FCHSD2: variants seen among roughly 807,000 people sequenced by gnomAD.
FCHSD2 encodes the protein F-BAR and double SH3 domains protein 2.
A neutral mutation model predicts 108.1 loss-of-function variants in FCHSD2; 38 were observed. That is an observed-to-expected ratio of 0.35 (90% CI 0.27 to 0.46). The LOEUF is 0.46. Ranked by LOEUF, FCHSD2 falls within the 20% of genes least tolerant of loss-of-function variation. FCHSD2 has a pLI of 1.00. For synonymous variants in FCHSD2, 279 were observed against 314.7 expected, an observed-to-expected ratio of 0.89 and a Z score of 1.20; for missense variants, 751 against 897.8, an observed-to-expected ratio of 0.84 and a Z score of 2.09.
chr11:72,908,296 G>A (rs546920649), intron 9 of FCHSD2, among the ~76,000 whole-genome samples: 1 of 152,226 alleles, frequency 6.6e-6, no homozygotes, highest in East Asian at 1.9e-4. Flanking sequence ...TGGACACTTA[G>A]GTTGCTTCTA....
intron 8 of FCHSD2, among the ~76,000 whole-genome samples, chr11:72,929,073 T>G (rs1384096947): frequency 6.6e-6 from 1 of 152,214 alleles, no homozygotes; most frequent in Non-Finnish European, 1.5e-5. Flanking sequence ...TATGGCTGGA[T>G]AGTATTCCAT....
At chr11:73,075,671 T>C (rs1859532836) in intron 3 of FCHSD2, among the ~76,000 whole-genome samples, 1 of 150,630 alleles carries the variant, frequency 6.6e-6, no homozygotes, top group African/African-American at 2.5e-5. Flanking sequence ...AAAAATTAGC[T>C]GGGAGTGGTG....
intron 5 of FCHSD2, among the ~76,000 whole-genome samples, chr11:72,999,127 T>C (rs1565361460): frequency 6.6e-6 from 1 of 152,162 alleles, no homozygotes; most frequent in Non-Finnish European, 1.5e-5. Context: ...TACAAGCAGA[T>C]ACATTCCCTT....
chr11:72,944,384 T>C (rs183703429), intron 8 of FCHSD2, among the ~76,000 whole-genome samples: 6,767 of 152,228 alleles, frequency 0.044, 218 homozygotes, highest in Non-Finnish European at 0.067. Flanking sequence ...AAATTAGGTA[T>C]TGATGGGACG....
intron 3 of FCHSD2, among the ~76,000 whole-genome samples, chr11:73,037,325 G>A (rs1466699839): frequency 6.6e-6 from 1 of 152,118 alleles, no homozygotes; most frequent in African/African-American, 2.4e-5. Context: ...AGGATTCTTA[G>A]TGCTGTACAG....
intron 2 of FCHSD2, among the ~76,000 whole-genome samples, chr11:73,122,579 T>C (rs547591820): frequency 1.5e-4 from 23 of 152,318 alleles, no homozygotes; most frequent in African/African-American, 5.3e-4. Flanking sequence ...TTTCCTTTGT[T>C]AAATCAAATA....
chr11:72,899,056 C>T (rs1445192863), intron 10 of FCHSD2, among the ~76,000 whole-genome samples: 1 of 152,134 alleles, frequency 6.6e-6, no homozygotes, highest in African/African-American at 2.4e-5. Flanking sequence ...GATTTCTTAA[C>T]TTTAGTTTCC....
intron 3 of FCHSD2, among the ~76,000 whole-genome samples, chr11:73,045,899 C>T (rs1317456444): frequency 3.3e-5 from 5 of 151,202 alleles, no homozygotes; most frequent in Non-Finnish European, 7.4e-5. Context: ...CACATGTACC[C>T]TAAAACTTAA....
At chr11:73,137,085 A>G (rs1861136176) in intron 2 of FCHSD2, among the ~76,000 whole-genome samples, 1 of 152,166 alleles carries the variant, frequency 6.6e-6, no homozygotes, top group Non-Finnish European at 1.5e-5. Context: ...TTAAAAAATC[A>G]TTCCACTTAC....
At chr11:72,843,811 C>G (rs1266687157) in intron 14 of FCHSD2, 2 of 334,270 alleles carry the variant, frequency 6.0e-6, no homozygotes, top group Non-Finnish European at 1.1e-5. Flanking sequence ...ACAGCGAGAC[C>G]CCCATCTCTA....
At chr11:72,839,044 GC>G (rs906457329) in intron 19 of FCHSD2, among the ~76,000 whole-genome samples, 170 bp from the exon 20 acceptor site, 2 of 152,310 alleles carry the variant, frequency 1.3e-5, no homozygotes, top group Admixed American at 1.3e-4. Context: ...ACACTGAGAA[GC>G]AGTTGTTCTC....
At chr11:73,109,639 T>C (rs982263181) in intron 2 of FCHSD2, among the ~76,000 whole-genome samples, 1 of 152,198 alleles carries the variant, frequency 6.6e-6, no homozygotes, top group Admixed American at 6.5e-5. Context: ...GATCAAATCA[T>C]CTGCAAACAA....
intron 3 of FCHSD2, among the ~76,000 whole-genome samples, chr11:73,035,988 G>A (rs751709315): frequency 1.3e-5 from 2 of 151,932 alleles, no homozygotes; most frequent in Non-Finnish European, 2.9e-5. Flanking sequence ...CAAAGTGCTG[G>A]GATTACAAGC....
intron 3 of FCHSD2, among the ~76,000 whole-genome samples, chr11:73,075,917 G>A (rs1237939162): frequency 6.6e-6 from 1 of 151,974 alleles, no homozygotes; most frequent in Non-Finnish European, 1.5e-5. Flanking sequence ...CCAGGAGTTC[G>A]AGACCAGCCT....
At chr11:73,030,536 G>A (rs969014304) in intron 3 of FCHSD2, among the ~76,000 whole-genome samples, 2 of 152,002 alleles carry the variant, frequency 1.3e-5, no homozygotes, top group African/African-American at 4.8e-5. Context: ...ATACTGTTAC[G>A]GCTTCCTGGG....
chr11:73,014,481 T>C (rs1857928045), intron 4 of FCHSD2, among the ~76,000 whole-genome samples: 1 of 152,194 alleles, frequency 6.6e-6, no homozygotes, highest in Non-Finnish European at 1.5e-5. Context: ...TACTGTTCTA[T>C]TATTTATTGC....
intron 3 of FCHSD2, among the ~76,000 whole-genome samples, chr11:73,047,277 G>C (rs1858791554): frequency 6.6e-6 from 1 of 151,604 alleles, no homozygotes; most frequent in Non-Finnish European, 1.5e-5. Context: ...TATGAAACAG[G>C]ATGTCAAAAT....
chr11:73,112,458 C>CT (rs1169420608), intron 2 of FCHSD2, among the ~76,000 whole-genome samples: 1 of 152,202 alleles, frequency 6.6e-6, no homozygotes, highest in African/African-American at 2.4e-5. Flanking sequence ...TATTAAATGC[C>CT]TTAAGGTAGT....
At chr11:73,014,642 G>C (rs554342381) in intron 4 of FCHSD2, among the ~76,000 whole-genome samples, 3 of 151,884 alleles carry the variant, frequency 2.0e-5, no homozygotes, top group Non-Finnish European at 4.4e-5. Context: ...GCTTGATTTC[G>C]TATTCAGACT....
Sources: allele counts gnomAD v4.1 joint callset (sites outside exome capture counted in the v4.1 genomes callset), GRCh38; gene constraint gnomAD v4.1.1; transcripts MANE v1.5; gene names NCBI Gene and HGNC (gene_info 2026-07-23, HGNC 2026-07-21).